The following KCNT2 variants were observed in gnomAD, a reference collection of about 807,000 sequenced individuals.
The protein encoded by KCNT2 is potassium sodium-activated channel subfamily T member 2, also known as potassium channel subfamily T member 2.
A neutral mutation model predicts 153.8 loss-of-function variants in KCNT2; 67 were observed. The ratio of observed to expected loss-of-function variants is 0.44; its 90% CI spans 0.36 to 0.53. The LOEUF is 0.53. KCNT2 is among the 20% of genes least tolerant of loss of function. The probability of loss-of-function intolerance (pLI) is 0.00; values close to 1 mark genes in which losing one functional copy is unlikely to be tolerated. For missense variants in KCNT2, 975 were observed against 1,354.8 expected, an observed-to-expected ratio of 0.72 and a Z score of 4.40; for synonymous variants, 500 against 458.8, an observed-to-expected ratio of 1.09 and a Z score of -1.15.
At position 196,435,721 on chromosome 1, in the gene KCNT2, C is replaced by G. The variant is rs537355373; in HGVS notation, c.639-5964G>C. 5.5e-4 allele frequency among the ~76,000 whole-genome samples: 83 copies of G among 151,810 alleles called. 4 individuals carry two copies. In the South Asian group the frequency reaches 0.017, roughly 30 times the overall value. On this transcript the variant is annotated intron_variant, in intron 8 of 27. Coordinates refer to ENST00000294725, the MANE Select transcript of KCNT2 (RefSeq NM_198503.5). ...TTTAGTACATACTAAAGCATTCGGA[C>G]AACTGTCTAGGCTATGTTTTATGGA...
At chr1:196,538,268 C>G (rs543965605) in intron 1 of KCNT2, among the ~76,000 whole-genome samples, 2 of 152,088 alleles carry the variant, frequency 1.3e-5, no homozygotes, top group African/African-American at 4.8e-5. Context: ...TAGCTGCCAC[C>G]AGGCACCACT....
intron 26 of KCNT2, among the ~76,000 whole-genome samples, chr1:196,250,442 A>C (rs1655856656): frequency 6.6e-6 from 1 of 152,204 alleles, no homozygotes; most frequent in Non-Finnish European, 1.5e-5. Flanking sequence ...GGAAGAATGA[A>C]GCTAGACCAT....
At chr1:196,448,177 A>G (rs1675857959) in intron 8 of KCNT2, among the ~76,000 whole-genome samples, 1 of 151,586 alleles carries the variant, frequency 6.6e-6, no homozygotes, top group Non-Finnish European at 1.5e-5. Context: ...CTGATGTCCA[A>G]CTTACTTAAA....
At chr1:196,576,837 A>T (rs1188991358) in intron 1 of KCNT2, among the ~76,000 whole-genome samples, 1 of 152,110 alleles carries the variant, frequency 6.6e-6, no homozygotes, top group African/African-American at 2.4e-5. Context: ...CAATCCAATC[A>T]GTGATATTAA....
intron 13 of KCNT2, among the ~76,000 whole-genome samples, chr1:196,386,687 T>C (rs1474900718): frequency 1.3e-5 from 2 of 152,132 alleles, no homozygotes; most frequent in Non-Finnish European, 2.9e-5. Context: ...TATTTACGAA[T>C]AGCTACCACT....
At chr1:196,490,229 C>T (rs571531272) in intron 2 of KCNT2, among the ~76,000 whole-genome samples, 7 of 151,562 alleles carry the variant, frequency 4.6e-5, no homozygotes, top group African/African-American at 1.4e-4. Context: ...TGTGTCCAAT[C>T]GAGGTTGATT....
chr1:196,402,761 C>G (rs377155844), intron 12 of KCNT2, among the ~76,000 whole-genome samples: 1 of 151,316 alleles, frequency 6.6e-6, no homozygotes, highest in Non-Finnish European at 1.5e-5. Context: ...TAAAATTGGG[C>G]CAGAGATCAA....
intron 1 of KCNT2, among the ~76,000 whole-genome samples, chr1:196,561,755 G>A (rs1024626722): frequency 2.0e-5 from 3 of 150,120 alleles, no homozygotes; most frequent in Admixed American, 1.3e-4. Flanking sequence ...TGTCCAAAGC[G>A]GTTGGGATAC....
intron 26 of KCNT2, among the ~76,000 whole-genome samples, chr1:196,256,836 G>A (rs531779331): frequency 3.1e-4 from 47 of 151,850 alleles, no homozygotes; most frequent in African/African-American, 1.1e-3. Context: ...GCTGAGACCC[G>A]CTGGGCTGCA....
Position 196,567,929 on chromosome 1 carries a change from G to T in KCNT2, c.95+40286C>A, listed in dbSNP as rs202047681. Among the ~76,000 whole-genome samples the T allele has an allele frequency of 6.6e-5, 10 of 152,200 alleles. No homozygotes were observed. The East Asian group carries it at 1.9e-3, about 29-fold the overall frequency. On this transcript the variant is annotated intron_variant, in intron 1 of 27. Coordinates refer to ENST00000294725, the MANE Select transcript of KCNT2 (RefSeq NM_198503.5). ...TTAGGTTTCAATTTATGTGCTTGGG[G>T]TCTTTTTCACAATTCTTAGCAGCTC...
At chr1:196,449,679 C>A (rs1050713134) in intron 8 of KCNT2, among the ~76,000 whole-genome samples, 3 of 151,224 alleles carry the variant, frequency 2.0e-5, no homozygotes, top group Non-Finnish European at 4.4e-5. Context: ...ATAATTTAGA[C>A]AATGTACTAA....
chr1:196,288,816 C>G (rs941655388), intron 22 of KCNT2, among the ~76,000 whole-genome samples: 2 of 151,984 alleles, frequency 1.3e-5, no homozygotes, highest in Admixed American at 6.6e-5. Flanking sequence ...GGTTTTGATG[C>G]CAGTGGACAG....
intron 1 of KCNT2, among the ~76,000 whole-genome samples, chr1:196,555,472 C>A (rs1572815976): frequency 6.6e-6 from 1 of 150,984 alleles, no homozygotes; most frequent in South Asian, 2.1e-4. Context: ...ATAATAAAAA[C>A]TATAAAATAC....
intron 25 of KCNT2, among the ~76,000 whole-genome samples, chr1:196,269,318 T>G (rs1657841575): frequency 6.6e-6 from 1 of 152,136 alleles, no homozygotes; most frequent in Non-Finnish European, 1.5e-5. Context: ...TGGACTATAG[T>G]GGCCCAATGG....
intron 14 of KCNT2, among the ~76,000 whole-genome samples, chr1:196,369,211 G>A (rs1011578369): frequency 3.7e-4 from 56 of 152,094 alleles, no homozygotes; most frequent in African/African-American, 1.3e-3. Flanking sequence ...ATCAGGATGG[G>A]CCAGTTGAAT....
chr1:196,503,245 AT>A (rs1387864034), intron 1 of KCNT2, among the ~76,000 whole-genome samples: 1 of 152,128 alleles, frequency 6.6e-6, no homozygotes, highest in East Asian at 1.9e-4. Context: ...CCCATTATTT[AT>A]AAACACACAA....
chr1:196,333,839 G>T lies in KCNT2; in HGVS notation c.1997+8C>A. 1 of 1,538,624 alleles carries T rather than the reference G, an allele frequency of 6.5e-7. No homozygotes were observed. Among genetic ancestry groups the T allele is most frequent in the South Asian group, 1.1e-5 (1 of 89,250 alleles). ...AGTAATCTTACACCTTAGAGTATCT[G>T]AACATACTCTAAGTTTGAAGACATT... On this transcript the variant is annotated splice_region_variant and intron_variant, in intron 17 of 27. Coordinates refer to ENST00000294725, the MANE Select transcript of KCNT2 (RefSeq NM_198503.5).
intron 26 of KCNT2, among the ~76,000 whole-genome samples, chr1:196,246,947 T>C (rs939923642): frequency 2.0e-5 from 3 of 151,980 alleles, no homozygotes; most frequent in African/African-American, 7.2e-5. Flanking sequence ...AATGAAAACA[T>C]TGAATGTAAA....
At chr1:196,475,538 T>C (rs1443248426) in intron 5 of KCNT2, among the ~76,000 whole-genome samples, 1 of 151,712 alleles carries the variant, frequency 6.6e-6, no homozygotes. Context: ...AGCGGATCTA[T>C]ACCTCCTAGG....
Sources: gnomAD v4.1 joint callset for allele counts (sites outside exome capture counted in the v4.1 genomes callset) on GRCh38, gnomAD v4.1.1 for gene constraint, MANE v1.5 for transcripts, NCBI Gene and HGNC (gene_info 2026-07-23, HGNC 2026-07-21) for gene names.